The following LPP variants were observed in gnomAD, a reference collection of about 807,000 sequenced individuals.
The protein encoded by LPP is lipoma-preferred partner.
Under a neutral mutation model 60.4 loss-of-function variants are expected in LPP, and 38 were observed. That is an observed-to-expected ratio of 0.63 (90% CI 0.49 to 0.83). The LOEUF (loss-of-function observed/expected upper bound fraction) is 0.83, where lower values mean the gene tolerates loss of function less well. Among genes scored for constraint, LPP ranks in the 40% least tolerant of loss-of-function variants. LPP has a pLI of 0.00. For missense variants in LPP, 902 were observed against 783.6 expected (o/e 1.15, Z -1.80); for synonymous variants, 328 against 290.8 (o/e 1.13, Z -1.30).
chr3:188,641,285 G>C (rs149789317), intron 7 of LPP, among the ~76,000 whole-genome samples: 2 of 152,282 alleles, frequency 1.3e-5, no homozygotes, highest in East Asian at 1.9e-4. Context: ...GCCAGAGCGA[G>C]AGAGTGAGAG....
At chr3:188,659,375 A>G (rs1380170867) in intron 7 of LPP, among the ~76,000 whole-genome samples, 1 of 152,240 alleles carries the variant, frequency 6.6e-6, no homozygotes, top group Non-Finnish European at 1.5e-5. Context: ...GATCTATAAA[A>G]TAGGATTACT....
intron 6 of LPP, among the ~76,000 whole-genome samples, chr3:188,547,880 G>A (rs1044769705): frequency 6.6e-6 from 1 of 152,156 alleles, no homozygotes; most frequent in African/African-American, 2.4e-5. Context: ...GCTCTGGAGC[G>A]TGGCTGAGCA....
intron 7 of LPP, among the ~76,000 whole-genome samples, chr3:188,665,603 G>A (rs1458055016): frequency 6.6e-6 from 1 of 151,886 alleles, no homozygotes; most frequent in Non-Finnish European, 1.5e-5. Flanking sequence ...GGGATTACAG[G>A]CACCTGTCAC....
intron 9 of LPP, among the ~76,000 whole-genome samples, chr3:188,809,867 A>T (rs1312231148): frequency 6.6e-6 from 1 of 152,152 alleles, no homozygotes. Flanking sequence ...GTAAGATGTG[A>T]GGAAGGGGTC....
intron 7 of LPP, among the ~76,000 whole-genome samples, chr3:188,642,868 A>G (rs969396723): frequency 6.6e-6 from 1 of 152,094 alleles, no homozygotes; most frequent in Non-Finnish European, 1.5e-5. Flanking sequence ...CCCGGGATGC[A>G]GAGGTTGCGG....
intron 9 of LPP, among the ~76,000 whole-genome samples, chr3:188,800,464 C>T (rs956893061): frequency 8.6e-5 from 13 of 151,926 alleles, no homozygotes; most frequent in Admixed American, 5.9e-4. Flanking sequence ...CCAGGATGGT[C>T]TCCATCTCCT....
intron 5 of LPP, among the ~76,000 whole-genome samples, chr3:188,491,448 C>A (rs192674727): frequency 1.4e-4 from 22 of 152,280 alleles, no homozygotes; most frequent in Admixed American, 1.2e-3. Context: ...TGAAAACATA[C>A]CAAAGAGATG....
rs552793361 is a variant in LPP at position 188,782,072 on chromosome 3, T to TA, written c.1410+21791dup. Among the ~76,000 whole-genome samples the TA allele has an allele frequency of 3.1e-3, 467 of 152,306 alleles. 1 individual carries two copies. Among genetic ancestry groups the TA allele is most frequent in the African/African-American group, 0.011 (454 of 41,570 alleles). On this transcript the variant is annotated intron_variant, in intron 9 of 11. Coordinates refer to ENST00000617246, the MANE Select transcript of LPP (RefSeq NM_001375462.1). ...ACATCTTTTTACATGGATCTTCTGATATGCTTGTACCAAAGCCCACAGTAT... is the reference window on the plus strand; with the variant it reads ...ACATCTTTTTACATGGATCTTCTGATAATGCTTGTACCAAAGCCCACAGTAT...
chr3:188,203,378 TA>T (rs1262320153), intron 1 of LPP, among the ~76,000 whole-genome samples: 2 of 97,334 alleles, frequency 2.1e-5, no homozygotes, highest in Non-Finnish European at 3.6e-5. Context: ...AAATATATAT[TA>T]ATATTTATAT....
intron 2 of LPP, among the ~76,000 whole-genome samples, chr3:188,248,755 A>G (rs1225668502): frequency 6.6e-6 from 1 of 151,786 alleles, no homozygotes; most frequent in Non-Finnish European, 1.5e-5. Flanking sequence ...CCTAATCTAT[A>G]TTTTGACAAA....
intron 1 of LPP, among the ~76,000 whole-genome samples, 86 bp downstream of exon 1, chr3:188,154,338 C>T (rs1195632072): frequency 6.6e-6 from 1 of 152,048 alleles, no homozygotes; most frequent in Non-Finnish European, 1.5e-5. Context: ...CGAGCGCCTC[C>T]GGGGTGGCAA....
chr3:188,774,832 G>C (rs1737208939), intron 9 of LPP, among the ~76,000 whole-genome samples: 1 of 152,042 alleles, frequency 6.6e-6, no homozygotes, highest in Non-Finnish European at 1.5e-5. Context: ...CCATCCTTAT[G>C]ACCTCATCTA....
chr3:188,726,810 T>A (rs1473357056), intron 8 of LPP, among the ~76,000 whole-genome samples: 2 of 152,252 alleles, frequency 1.3e-5, no homozygotes, highest in Non-Finnish European at 2.9e-5. Context: ...GATGTAGGCA[T>A]AATAGTTTGT....
chr3:188,304,019 A>C (rs1436557988), intron 2 of LPP, among the ~76,000 whole-genome samples: 2 of 152,092 alleles, frequency 1.3e-5, no homozygotes, highest in East Asian at 3.9e-4. Flanking sequence ...ACCCTACTTA[A>C]CTGCCTGTCT....
At chr3:188,712,882 ACT>A (rs1274104571) in intron 8 of LPP, 5 of 150,502 alleles carry the variant, frequency 3.3e-5, no homozygotes, top group Admixed American at 6.6e-5. Context: ...CTTCCAAGAC[ACT>A]CTTTTTTTTT....
chr3:188,350,443 C>T (rs1013590733), intron 3 of LPP, among the ~76,000 whole-genome samples: 1 of 152,186 alleles, frequency 6.6e-6, no homozygotes, highest in Admixed American at 6.5e-5. Flanking sequence ...CAGTGGGACT[C>T]GGAAGCAGGC....
intron 1 of LPP, among the ~76,000 whole-genome samples, chr3:188,185,259 C>T (rs996170749): frequency 5.5e-5 from 5 of 91,484 alleles, no homozygotes; most frequent in Admixed American, 1.5e-4. Context: ...TCTGTGAAAT[C>T]GGGGAGCGGG....
At chr3:188,395,491 C>A (rs1780722333) in intron 3 of LPP, among the ~76,000 whole-genome samples, 1 of 152,038 alleles carries the variant, frequency 6.6e-6, no homozygotes, top group Admixed American at 6.5e-5. Flanking sequence ...GGTCTCCTCC[C>A]AAAGTGCTAG....
Position 188,717,840 on chromosome 3 carries a change from A to T in LPP, c.1240+9447A>T, listed in dbSNP as rs577308880. Among the ~76,000 whole-genome samples, 3 of 152,206 alleles carry T rather than the reference A, an allele frequency of 2.0e-5. No homozygotes were observed. The East Asian group carries it at 5.8e-4, about 29-fold the overall frequency. On this transcript the variant is annotated intron_variant, in intron 8 of 11. Transcript: ENST00000617246. ...TTTGTTTGTTTGTCTGTTTTGTGTC[A>T]GAGTTTCACTCTTATTGACCAGGCT...
Sources: allele counts gnomAD v4.1 joint callset (sites outside exome capture counted in the v4.1 genomes callset), GRCh38; gene constraint gnomAD v4.1.1; transcripts MANE v1.5; gene names NCBI Gene and HGNC (gene_info 2026-07-23, HGNC 2026-07-21).